The following RNH1 variants were observed in gnomAD, a reference collection of about 807,000 sequenced individuals.
RNH1 encodes the protein ribonuclease inhibitor.
RNH1 carries 38 observed loss-of-function variants against 46.1 expected under a neutral mutation model. That is an observed-to-expected ratio of 0.82 (90% confidence interval 0.64 to 1.08). The LOEUF is 1.08. Ranked by LOEUF, RNH1 falls within the 50% of genes least tolerant of loss-of-function variation. RNH1 has a pLI of 0.00. For synonymous variants in RNH1, 319 were observed against 279.1 expected (o/e 1.14, Z -1.43); for missense variants, 577 against 590.7 (o/e 0.98, Z 0.24).
chr11:497,882 A>C, intron 9 of RNH1, 89 bp downstream of exon 9: 4 of 1,377,602 alleles, frequency 2.9e-6, no homozygotes, highest in Non-Finnish European at 4.0e-6. Flanking sequence ...ACTCGTGCTC[A>C]CACAGATACT....
At chr11:500,741 A>G in intron 3 of RNH1, 87 bp from the exon 4 acceptor site, 3 of 1,403,282 alleles carry the variant, frequency 2.1e-6, no homozygotes, top group Non-Finnish European at 3.0e-6. Flanking sequence ...GTTACAACCT[A>G]TCAGTGGGCC....
Position 501,258 on chromosome 11 carries a change from T to C in RNH1, c.102-604A>G. The C allele has an allele frequency of 5.2e-6, 1 of 193,612 alleles. No individual in the cohort carries two copies. Among genetic ancestry groups the C allele is most frequent in the South Asian group, 8.5e-5 (1 of 11,706 alleles). The allele number at this position is 193,612 out of a possible 1,614,324, so 12.0% of individuals were successfully genotyped here. A position where few individuals can be genotyped will look rare whatever the true frequency, so the allele number is the denominator to read the frequency against. On this transcript the variant is annotated intron_variant, in intron 3 of 10. Transcript: ENST00000354420. This position sits in a 1 kb window ranked among gnomAD's most constrained non-coding sequence, Gnocchi z 4.1. ...CCTGGCAGGCCCCACGGCATCTCCC[T>C]GCATTCCTGCCAAAACTGTAGGACT...
intron 5 of RNH1, 54 bp from the exon 6 acceptor site, chr11:499,239 T>A: frequency 6.3e-7 from 1 of 1,591,670 alleles, no homozygotes; most frequent in African/African-American, 1.3e-5. Flanking sequence ...GCCAAGGGTG[T>A]GATACCAGGG....
In RNH1 at chr11:494,667, G is replaced by T. The variant is rs754026908; in HGVS notation, c.*24C>A. 1 of 1,611,246 alleles carries T rather than the reference G, an allele frequency of 6.2e-7. No homozygotes were observed. The highest frequency in any genetic ancestry group is 8.5e-7 in the Non-Finnish European group (1 of 1,178,034). ...GGGTTGCCTCGAGGCCGGTCGTCCA[G>T]GGAGAGCAGCAGCAGGAAGAGCCTC... On this transcript the variant is annotated 3_prime_UTR_variant, in exon 11 of 11. Coordinates refer to ENST00000354420, the MANE Select transcript of RNH1 (RefSeq NM_203387.3).
At chr11:503,086 A>G (rs1189444746) in intron 2 of RNH1, 1 of 148,458 alleles carries the variant, frequency 6.7e-6, no homozygotes, top group African/African-American at 2.5e-5. Flanking sequence ...TGGGGACTAC[A>G]GCAGGGCAGG....
intron 4 of RNH1, 157 bp from the exon 5 acceptor site, chr11:500,156 A>G: frequency 1.1e-6 from 1 of 875,006 alleles, no homozygotes. Flanking sequence ...CTCCAGGCCG[A>G]GTGAAGGAGG....
In RNH1 at chr11:501,137, T is replaced by C. The variant is rs1849713382; in HGVS notation, c.102-483A>G. Reference sequence around the variant, plus strand: ...GCCCTGTCTCTAAAAATAAAAAGAATTTAAAGTATCTCTCGAAGGCACTGA... The same window carrying C: ...GCCCTGTCTCTAAAAATAAAAAGAACTTAAAGTATCTCTCGAAGGCACTGA... On this transcript the variant is annotated intron_variant, in intron 3 of 10. Transcript: ENST00000354420. This position sits in a 1 kb window ranked among gnomAD's most constrained non-coding sequence, Gnocchi z 4.1. 3.4e-6 allele frequency: 1 copy of C among 293,820 alleles called. No homozygotes were observed. The highest frequency in any genetic ancestry group is 3.1e-5 in the South Asian group (1 of 32,326). The allele number at this position is 293,820 out of a possible 1,614,324, so 18.2% of individuals were successfully genotyped here.
chr11:498,372 G>A (rs1849366338), intron 8 of RNH1, 85 bp downstream of exon 8: 3 of 1,526,588 alleles, frequency 2.0e-6, no homozygotes, highest in Admixed American at 1.8e-5. Flanking sequence ...CAGCTTCCCT[G>A]GAGTCGCTCA....
At chr11:497,279 G>A (rs957866097) in intron 9 of RNH1, among the ~76,000 whole-genome samples, 24 of 134,882 alleles carry the variant, frequency 1.8e-4, no homozygotes, top group African/African-American at 5.5e-4. Flanking sequence ...GCTCACACAC[G>A]GACACTCGTG....
intron 9 of RNH1, 23 bp downstream of exon 9, chr11:497,948 A>G: frequency 6.2e-7 from 1 of 1,604,182 alleles, no homozygotes. Flanking sequence ...AAATGTGCAT[A>G]CTCGTGTCCC....
intron 9 of RNH1, among the ~76,000 whole-genome samples, chr11:495,342 C>G (rs1848961691): frequency 6.6e-6 from 1 of 152,186 alleles, no homozygotes; most frequent in East Asian, 1.9e-4. Flanking sequence ...GAGCCACACC[C>G]ACCCCCTTGT....
Position 502,172 on chromosome 11 carries a change from GAA to G in RNH1, c.-12_-11del. ...GGATGTCCAGGCTCATGGTGGAGGT[GAA>G]GAGTGGCCTGGGTGGGAGGCAGAGG... is the stretch of plus-strand genomic sequence containing the variant. On this transcript the variant is annotated 5_prime_UTR_variant, in exon 3 of 11. Transcript: ENST00000354420. The surrounding 1 kb of genome is among the most constrained non-coding windows in gnomAD (Gnocchi z 5.8). 1 of 1,602,088 alleles carries G rather than the reference GAA, an allele frequency of 6.2e-7. No homozygotes were observed. Among genetic ancestry groups the G allele is most frequent in the Non-Finnish European group, 8.5e-7 (1 of 1,172,912 alleles).
rs183171042 is a variant in RNH1, at chr11:500,314, C to A, written c.272+170G>T. 3.7e-5 allele frequency: 31 copies of A among 829,478 alleles called. No individual in the cohort carries two copies. The highest frequency in any genetic ancestry group is 1.0e-4 in the African/African-American group (6 of 58,544). 51.4% of individuals were successfully genotyped at this position (829,478 alleles called of 1,614,324 possible). A position where few individuals can be genotyped will look rare whatever the true frequency, so the allele number is the denominator to read the frequency against. Reference sequence around the variant, plus strand: ...ATAAGGCAGGAAGGGCCCTGTCCCCCCCGCTGTGAGACCGCCAGGCCTGTG... The same window carrying A: ...ATAAGGCAGGAAGGGCCCTGTCCCCACCGCTGTGAGACCGCCAGGCCTGTG... On this transcript the variant is annotated intron_variant, in intron 4 of 10. Coordinates refer to ENST00000354420, the MANE Select transcript of RNH1 (RefSeq NM_203387.3).
At chr11:498,268 C>T (rs1849360661) in intron 8 of RNH1, 127 bp from the exon 9 acceptor site, 3 of 1,248,076 alleles carry the variant, frequency 2.4e-6, no homozygotes, top group Non-Finnish European at 3.3e-6. Context: ...AGCAAGTGGG[C>T]ACCTACACCT....
chr11:500,787 A>G (rs1169987954), intron 3 of RNH1, 133 bp from the exon 4 acceptor site: 1 of 999,998 alleles, frequency 1.0e-6, no homozygotes, highest in African/African-American at 1.6e-5. Flanking sequence ...AAGACATTTC[A>G]GAAATGAAAC....
In RNH1 at chr11:498,801, TG is replaced by T; in HGVS notation, c.746del (p.Pro249GlnfsTer38). 1 of 1,607,180 alleles carries T rather than the reference TG, an allele frequency of 6.2e-7. No individual in the cohort carries two copies. On this transcript the variant is annotated frameshift_variant, in exon 7 of 11. Coordinates refer to ENST00000354420, the MANE Select transcript of RNH1 (RefSeq NM_203387.3). LOFTEE classifies it high-confidence loss of function. ...LGDVGMAELC[P>X]GLLHPSSRLR... Reference sequence around the variant, plus strand: ...GCCTGGAGCTGGGGTGGAGCAGCCCTGGGCACAGCTCCGCCATGCCCACATC... The same window carrying T: ...GCCTGGAGCTGGGGTGGAGCAGCCCTGGCACAGCTCCGCCATGCCCACATC...
At chr11:497,161 TCACC>T (rs1849170970) in intron 9 of RNH1, among the ~76,000 whole-genome samples, 1 of 144,040 alleles carries the variant, frequency 6.9e-6, no homozygotes. Context: ...ATGCTCACTC[TCACC>T]CATGTGCTCA....
At position 499,942 on chromosome 11, in the gene RNH1, G is replaced by GC; in HGVS notation, c.329dup (p.Thr111HisfsTer68). 2 of 1,610,866 alleles carry GC rather than the reference G, an allele frequency of 1.2e-6. No individual in the cohort carries two copies. The highest frequency in any genetic ancestry group is 1.7e-6 in the Non-Finnish European group (2 of 1,179,100). ...GCAGCTCCTGCAGGGTGGGCAGGGTGCGTAGTGTGCTGGACAGGACCCCGC... is the reference window on the plus strand; with the variant it reads ...GCAGCTCCTGCAGGGTGGGCAGGGTGCCGTAGTGTGCTGGACAGGACCCCGC... On this transcript the variant is annotated frameshift_variant, in exon 5 of 11. Coordinates refer to ENST00000354420, the MANE Select transcript of RNH1 (RefSeq NM_203387.3). LOFTEE classifies it high-confidence loss of function.
At chr11:500,097 G>A (rs1360394303) in intron 4 of RNH1, 98 bp from the exon 5 acceptor site, 2 of 1,351,870 alleles carry the variant, frequency 1.5e-6, no homozygotes, top group East Asian at 5.0e-5. Context: ...TCTTCAGGCG[G>A]CAGGTCTATA....
Sources: allele counts gnomAD v4.1 joint callset (sites outside exome capture counted in the v4.1 genomes callset), GRCh38; gene constraint gnomAD v4.1.1; non-coding constraint Gnocchi (gnomAD v3.1); transcripts MANE v1.5; gene names NCBI Gene and HGNC (gene_info 2026-07-23, HGNC 2026-07-21).